Variants in ZNF169 observed in about 807,000 individuals in gnomAD.
ZNF169 encodes the protein zinc finger protein 169.
A neutral mutation model predicts 12.0 loss-of-function variants in ZNF169; 11 were observed. That is an observed-to-expected ratio of 0.92 (90% CI 0.58 to 1.52). ZNF169 has a LOEUF of 1.52. Among genes scored for constraint, ZNF169 ranks in the 40% most tolerant of loss-of-function variants. The pLI is 0.00. For missense variants in ZNF169, 722 were observed against 744.0 expected (o/e 0.97, Z 0.34); for synonymous variants, 302 against 286.5 (o/e 1.05, Z -0.55).
chr9:94,281,012 C>T (rs1157570797), intron 2 of ZNF169, among the ~76,000 whole-genome samples: 1 of 152,122 alleles, frequency 6.6e-6, no homozygotes, highest in Non-Finnish European at 1.5e-5. Flanking sequence ...AATAAGAGAG[C>T]TGAACATACT....
chr9:94,278,839 G>C lies in ZNF169; in HGVS notation c.27G>C (p.Arg9Ser). Residue 9 changes from arginine (R) to serine (S), a missense_variant, in exon 2 of 5, where the codon AGG (arginine) becomes AGC (serine). Coordinates refer to ENST00000395395, the MANE Select transcript of ZNF169 (RefSeq NM_194320.4). The stretch of plus-strand genomic sequence containing the variant: ...TGTCACCAGGACTCCTGACAACCAG[G>C]AAGGAGGTAAGTCCTGAAATTTCTT... MSPGLLTT[R>S]KEALMAFRDV... 3 of 1,614,010 alleles carry C rather than the reference G, an allele frequency of 1.9e-6. No individual in the cohort carries two copies. Among genetic ancestry groups the C allele is most frequent in the Non-Finnish European group, 2.5e-6 (3 of 1,179,964 alleles).
intron 1 of ZNF169, among the ~76,000 whole-genome samples, chr9:94,261,021 T>A (rs1279650365): frequency 7.2e-6 from 1 of 138,928 alleles, no homozygotes; most frequent in Non-Finnish European, 1.6e-5. Context: ...CGGGGTTTGT[T>A]TTTTGTTTGT....
At chr9:94,271,289 G>A (rs1198821576) in intron 1 of ZNF169, among the ~76,000 whole-genome samples, 1 of 151,196 alleles carries the variant, frequency 6.6e-6, no homozygotes, top group African/African-American at 2.4e-5. Context: ...TAGAGATGGG[G>A]TTTTACCATG....
rs1325967054 is a variant in ZNF169, at chr9:94,292,324, A to T, written c.34-17A>T. 2 of 1,613,712 alleles carry T rather than the reference A, an allele frequency of 1.2e-6. No homozygotes were observed. Among genetic ancestry groups the T allele is most frequent in the African/African-American group, 1.3e-5 (1 of 74,822 alleles). The stretch of plus-strand genomic sequence containing the variant: ...ATGGCTGGCTGTTGAGTGAGCAGGG[A>T]TGTGTTTGTGTTACAGGCATTGATG... On this transcript the variant is annotated splice_polypyrimidine_tract_variant and intron_variant, in intron 2 of 4. Coordinates refer to ENST00000395395, the MANE Select transcript of ZNF169 (RefSeq NM_194320.4).
chr9:94,299,092 G>A (rs1429433948), intron 4 of ZNF169, among the ~76,000 whole-genome samples: 2 of 152,172 alleles, frequency 1.3e-5, no homozygotes, highest in Admixed American at 6.5e-5. Context: ...AACAGTGTAC[G>A]TAGTGTTGTG....
rs774224728 is a variant in ZNF169 at position 94,300,645 on chromosome 9, C to T, written c.1087C>T (p.Gln363Ter). 1 of 1,613,860 alleles carries T rather than the reference C, an allele frequency of 6.2e-7. No individual in the cohort carries two copies. The highest frequency in any genetic ancestry group is 2.2e-5 in the East Asian group (1 of 44,844). Residue 363 changes from glutamine (Q) to a stop codon, truncating the protein, a stop_gained, in exon 5 of 5, where the codon CAG (glutamine) becomes TAG (stop). Coordinates refer to ENST00000395395, the MANE Select transcript of ZNF169 (RefSeq NM_194320.4). LOFTEE classifies it low-confidence loss of function (END_TRUNC). Reference sequence around the variant, plus strand: ...CTTTTGCCAGAAGGCATCACTCCTCCAGCACCAGAGCTCACACACAGGGGA... The same window carrying T: ...CTTTTGCCAGAAGGCATCACTCCTCTAGCACCAGAGCTCACACACAGGGGA... ...RGFCQKASLL[Q>*]HQSSHTGERP...
intron 1 of ZNF169, among the ~76,000 whole-genome samples, 173 bp downstream of exon 1, chr9:94,259,518 C>T (rs907210118): frequency 2.6e-5 from 4 of 152,194 alleles, no homozygotes; most frequent in Non-Finnish European, 5.9e-5. Context: ...TGGTCCACCC[C>T]GGAGAGAGGT....
chr9:94,264,630 A>C (rs1830259217), intron 1 of ZNF169, among the ~76,000 whole-genome samples: 1 of 152,172 alleles, frequency 6.6e-6, no homozygotes, highest in South Asian at 2.1e-4. Context: ...CTTTTACTTG[A>C]AAATGTCTTT....
Position 94,300,569 on chromosome 9 carries a change from G to C in ZNF169, c.1011G>C (p.Gln337His). The C allele has an allele frequency of 6.2e-7, 1 of 1,614,194 alleles. No homozygotes were observed. Among genetic ancestry groups the C allele is most frequent in the South Asian group, 1.1e-5 (1 of 91,084 alleles). Residue 337 changes from glutamine to histidine, a missense_variant, in exon 5 of 5, where the codon CAG becomes CAC. By Grantham distance (24) the Gln-to-His change is conservative. Transcript: ENST00000395395. ...AGAAGATAGCCCTCCTTCTACACCAGAGGACGCACTTGGAGGAGAAGCCCT... is the reference window on the plus strand; with the variant it reads ...AGAAGATAGCCCTCCTTCTACACCACAGGACGCACTTGGAGGAGAAGCCCT... ...FRQKIALLLH[Q>H]RTHLEEKPFV...
chr9:94,260,210 G>A (rs1016540573), intron 1 of ZNF169, among the ~76,000 whole-genome samples: 1 of 152,136 alleles, frequency 6.6e-6, no homozygotes, highest in East Asian at 1.9e-4. Context: ...ACGCCACCAC[G>A]CCCGGCTAAT....
At chr9:94,272,178 T>C (rs1269539315) in intron 1 of ZNF169, among the ~76,000 whole-genome samples, 1 of 152,084 alleles carries the variant, frequency 6.6e-6, no homozygotes, top group Admixed American at 6.6e-5. Flanking sequence ...CTTTCATTCC[T>C]GATCTTGGAA....
intron 4 of ZNF169, chr9:94,296,938 T>C (rs1830965383): frequency 5.0e-6 from 2 of 401,098 alleles, no homozygotes; most frequent in Non-Finnish European, 9.8e-6. Context: ...TCACAGCTAC[T>C]CGGGAGGCTG....
At chr9:94,266,062 G>T (rs966178767) in intron 1 of ZNF169, among the ~76,000 whole-genome samples, 1 of 144,146 alleles carries the variant, frequency 6.9e-6, no homozygotes, top group Non-Finnish European at 1.5e-5. Flanking sequence ...CTCCAGCCTG[G>T]GCAACAGAGA....
chr9:94,276,777 T>C (rs933898634), intron 1 of ZNF169, among the ~76,000 whole-genome samples: 1 of 152,218 alleles, frequency 6.6e-6, no homozygotes, highest in Admixed American at 6.5e-5. Flanking sequence ...TTTAGTGCTA[T>C]CCATTTGTTG....
rs546667553 is a variant in ZNF169 at position 94,299,869 on chromosome 9, C to A, written c.311C>A (p.Ser104Ter). The A allele has an allele frequency of 6.2e-7, 1 of 1,614,094 alleles. No homozygotes were observed. The highest frequency in any genetic ancestry group is 1.6e-4 in the Middle Eastern group (1 of 6,062). Reference protein sequence around the residue: ...SFPHLVAFSSSQLLRQYALSG... With the variant: ...SFPHLVAFSS The stretch of plus-strand genomic sequence containing the variant: ...CCCCACCTGGTGGCCTTTTCTAGCT[C>A]GCAGCTCCTCAGACAATATGCGCTA... Residue 104 changes from serine (S) to a stop codon, truncating the protein, a stop_gained, in exon 5 of 5, where the codon TCG becomes TAG. Transcript: ENST00000395395. LOFTEE classifies it low-confidence loss of function (END_TRUNC).
At chr9:94,283,724 A>C (rs918694415) in intron 2 of ZNF169, among the ~76,000 whole-genome samples, 1 of 152,186 alleles carries the variant, frequency 6.6e-6, no homozygotes, top group East Asian at 1.9e-4. Context: ...AAAGGAAATG[A>C]AGTCAACAAT....
intron 4 of ZNF169, chr9:94,294,564 C>T (rs1830914830): frequency 6.6e-6 from 1 of 152,190 alleles, no homozygotes; most frequent in South Asian, 2.1e-4. Flanking sequence ...ATGCTCCCAG[C>T]AGGAGTCTAT....
intron 2 of ZNF169, among the ~76,000 whole-genome samples, chr9:94,291,047 CTTTTTTTTTTTT>C (rs59027045): frequency 2.0e-3 from 120 of 59,618 alleles, no homozygotes; most frequent in African/African-American, 7.8e-3. Flanking sequence ...GAACAGTATT[CTTTTTTTTTTTT>C]TTTTTTTTTT....
intron 1 of ZNF169, among the ~76,000 whole-genome samples, chr9:94,273,261 C>T (rs961198052): frequency 3.3e-5 from 5 of 151,276 alleles, no homozygotes; most frequent in Non-Finnish European, 7.4e-5. Context: ...GTTGCTTGTT[C>T]TTTTAGTGTC....
Sources: allele counts gnomAD v4.1 joint callset (sites outside exome capture counted in the v4.1 genomes callset), GRCh38; gene constraint gnomAD v4.1.1; transcripts MANE v1.5; gene names NCBI Gene and HGNC (gene_info 2026-07-23, HGNC 2026-07-21).